The following SRPK2 variants were observed in gnomAD, a reference collection of about 807,000 sequenced individuals.
The protein encoded by SRPK2 is SRSF protein kinase 2, also known as SFRS protein kinase 2.
SRPK2 carries 21 observed loss-of-function variants against 90.8 expected under a neutral mutation model. The observed-to-expected ratio is 0.23, with a 90% CI of 0.16 to 0.33. The LOEUF is 0.33. Ranked by LOEUF, SRPK2 falls within the 10% of genes least tolerant of loss-of-function variation. The pLI is 1.00. For missense variants in SRPK2, 620 were observed against 869.0 expected (o/e 0.71, Z 3.60); for synonymous variants, 288 against 311.1 (o/e 0.93, Z 0.78).
At chr7:105,358,248 C>T (rs1365161646) in intron 2 of SRPK2, among the ~76,000 whole-genome samples, 2 of 136,234 alleles carry the variant, frequency 1.5e-5, no homozygotes, top group Admixed American at 7.4e-5. Context: ...AAAAAAAACA[C>T]CCCACGTACA....
intron 2 of SRPK2, among the ~76,000 whole-genome samples, chr7:105,384,597 C>A (rs896953774): frequency 6.6e-6 from 1 of 152,126 alleles, no homozygotes; most frequent in African/African-American, 2.4e-5. Context: ...AAAATTATAC[C>A]TATTACTCCT....
intron 2 of SRPK2, among the ~76,000 whole-genome samples, chr7:105,292,334 C>T (rs933615336): frequency 6.6e-6 from 1 of 151,774 alleles, no homozygotes; most frequent in Non-Finnish European, 1.5e-5. Context: ...ATGGCAAAAC[C>T]CCATCTCTAC....
intron 15 of SRPK2, among the ~76,000 whole-genome samples, chr7:105,119,408 C>A (rs189637049): frequency 3.3e-5 from 5 of 152,324 alleles, no homozygotes; most frequent in African/African-American, 1.2e-4. Flanking sequence ...ATCCTACCCA[C>A]AACTGCTCTT....
At chr7:105,161,535 G>A (rs1807660766) in intron 6 of SRPK2, among the ~76,000 whole-genome samples, 1 of 152,154 alleles carries the variant, frequency 6.6e-6, no homozygotes, top group Non-Finnish European at 1.5e-5. Flanking sequence ...CTTAGAAAGT[G>A]CCAGGTGGCT....
rs74348721 is a variant in SRPK2, at chr7:105,125,165, A to G, written c.1915+1083T>C. Among the ~76,000 whole-genome samples, 993 of 151,784 alleles carry G rather than the reference A, an allele frequency of 6.5e-3. 21 individuals are homozygous for G. In the East Asian group the frequency reaches 0.073, roughly 11 times the overall value. On this transcript the variant is annotated intron_variant, in intron 15 of 15. Transcript: ENST00000393651. ...AAAAAAAAAAGAATATAGCACTTAG[A>G]AGGAGTTCTTTTAAAAATACTCCTA...
chr7:105,152,660 C>T (rs905008937), intron 7 of SRPK2, among the ~76,000 whole-genome samples: 2 of 152,186 alleles, frequency 1.3e-5, no homozygotes, highest in African/African-American at 4.8e-5. Flanking sequence ...CTTGCAAAAT[C>T]TGACAGAGTT....
chr7:105,292,460 C>T (rs886887035), intron 2 of SRPK2, among the ~76,000 whole-genome samples: 1 of 131,186 alleles, frequency 7.6e-6, no homozygotes, highest in Non-Finnish European at 1.6e-5. Context: ...GTGAGACGTG[C>T]CACTACACTC....
In SRPK2 at chr7:105,326,396, T is replaced by A. The variant is rs118015924; in HGVS notation, c.71+62252A>T. Among the ~76,000 whole-genome samples, 326 of 152,326 alleles carry A rather than the reference T, an allele frequency of 2.1e-3. 11 individuals are homozygous for A. The East Asian group carries it at 0.059, about 28-fold the overall frequency. ...TTTCATACTGCTTTGAAGTACATTA[T>A]CTTCTCCATTATTTATAGTAATCCT... is the stretch of plus-strand genomic sequence containing the variant. On this transcript the variant is annotated intron_variant, in intron 2 of 15. Coordinates refer to ENST00000393651, the MANE Select transcript of SRPK2 (RefSeq NM_182692.3).
At chr7:105,170,967 G>GAAAAGAA (rs66735717) in intron 3 of SRPK2, among the ~76,000 whole-genome samples, 2 of 74,462 alleles carry the variant, frequency 2.7e-5, no homozygotes, top group African/African-American at 1.1e-4. Flanking sequence ...AAGAAAGAAA[G>GAAAAGAA]AGAAAGAAAG....
intron 2 of SRPK2, among the ~76,000 whole-genome samples, chr7:105,267,786 T>G (rs925411846): frequency 6.6e-6 from 1 of 152,208 alleles, no homozygotes; most frequent in Non-Finnish European, 1.5e-5. Context: ...TTGTATTTTT[T>G]CTGTATCATT....
At chr7:105,310,065 T>C (rs757644635) in intron 2 of SRPK2, among the ~76,000 whole-genome samples, 1 of 152,150 alleles carries the variant, frequency 6.6e-6, no homozygotes, top group Non-Finnish European at 1.5e-5. Context: ...TGAGTCCTAG[T>C]AGGTCTAAGC....
intron 7 of SRPK2, among the ~76,000 whole-genome samples, chr7:105,159,463 A>AAAAAAAAAAAAAAAAAAAAAAAAAAAAAC (rs1807153359): frequency 6.8e-6 from 1 of 146,522 alleles, no homozygotes; most frequent in African/African-American, 2.6e-5. Flanking sequence ...AAAAAAAAAA[A>AAAAAAAAAAAAAAAAAAAAAAAAAAAAAC]AAAAAAAAAA....
chr7:105,348,102 G>A (rs1816693213), intron 2 of SRPK2, among the ~76,000 whole-genome samples: 2 of 127,646 alleles, frequency 1.6e-5, no homozygotes, highest in African/African-American at 6.1e-5. Context: ...TTGAGATGGA[G>A]TTTCGCTCTT....
chr7:105,141,731 A>C (rs1584930759), intron 11 of SRPK2, among the ~76,000 whole-genome samples: 2 of 152,364 alleles, frequency 1.3e-5, no homozygotes, highest in South Asian at 4.1e-4. Flanking sequence ...TAAGTTGCTA[A>C]AACTGGAAGG....
chr7:105,182,035 C>A (rs556278407), intron 3 of SRPK2, among the ~76,000 whole-genome samples: 1 of 151,824 alleles, frequency 6.6e-6, no homozygotes, highest in East Asian at 1.9e-4. Flanking sequence ...TCAAGACCAG[C>A]CTGGCCAGCA....
At position 105,143,298 on chromosome 7, in the gene SRPK2, T is replaced by C; in HGVS notation, c.846A>G (p.Lys282=). 4 of 1,612,862 alleles carry C rather than the reference T, an allele frequency of 2.5e-6. No individual in the cohort carries two copies. The highest frequency in any genetic ancestry group is 1.1e-5 in the South Asian group (1 of 90,844). The change falls in exon 10 of 16, where the codon AAA becomes AAG. Residue 282 remains lysine, a synonymous_variant. Coordinates refer to ENST00000393651, the MANE Select transcript of SRPK2 (RefSeq NM_182692.3). The part of the protein sequence containing the change: ...IGKISKNKKK[K]LKKKQKRQAE... ...CCTGCCTCTTCTGTTTCTTTTTCAG[T>C]TTTTTCTTTTTGTTTTTAGATATTT...
intron 2 of SRPK2, among the ~76,000 whole-genome samples, chr7:105,266,174 T>C (rs1199534860): frequency 6.6e-6 from 1 of 152,134 alleles, no homozygotes; most frequent in Non-Finnish European, 1.5e-5. Flanking sequence ...TCAAATTCCA[T>C]TATAATTTTA....
At chr7:105,389,235 C>T (rs1475664823), upstream of SRPK2, 2 of 1,250,050 alleles carry the variant, frequency 1.6e-6, no homozygotes, top group Non-Finnish European at 1.0e-6. Context: ...CGGCCTCTCC[C>T]CTCCGCACCC....
chr7:105,384,937 C>T (rs1413860135), intron 2 of SRPK2, among the ~76,000 whole-genome samples: 2 of 151,070 alleles, frequency 1.3e-5, no homozygotes, highest in African/African-American at 4.9e-5. Context: ...AGTGCAGTGG[C>T]GCAATCTCGG....
Sources: gnomAD v4.1 joint callset for allele counts (sites outside exome capture counted in the v4.1 genomes callset) on GRCh38, gnomAD v4.1.1 for gene constraint, MANE v1.5 for transcripts, NCBI Gene and HGNC (gene_info 2026-07-23, HGNC 2026-07-21) for gene names.